The following GTPBP1 variants were observed in gnomAD, a reference collection of about 807,000 sequenced individuals.
GTPBP1 encodes the protein GTP binding protein 1.
In GTPBP1, 23 loss-of-function variants were observed where a neutral mutation model predicts 62.0. The ratio of observed to expected loss-of-function variants is 0.37; its 90% CI spans 0.27 to 0.53. The LOEUF (loss-of-function observed/expected upper bound fraction) is 0.53. Ranked by LOEUF, GTPBP1 falls within the 20% of genes least tolerant of loss-of-function variation. The pLI is 0.89. For synonymous variants in GTPBP1, 344 were observed against 364.4 expected (o/e 0.94, Z 0.64); for missense variants, 640 against 917.3 (o/e 0.70, Z 3.90).
At chr22:38,724,165 G>T (rs1297063223) in intron 5 of GTPBP1, 132 bp from the exon 6 acceptor site, 2 of 625,276 alleles carry the variant, frequency 3.2e-6, no homozygotes, top group East Asian at 5.3e-5. Context: ...CAGGCATTGT[G>T]GCATTTAACA....
At chr22:38,728,341 C>A in intron 10 of GTPBP1, 180 bp downstream of exon 10, 1 of 587,668 alleles carries the variant, frequency 1.7e-6, no homozygotes, top group Non-Finnish European at 3.1e-6. Context: ...CTGTCCTGGG[C>A]AGTGGTGGTG....
At chr22:38,740,104 G>C (rs2092841739), downstream of GTPBP1, among the ~76,000 whole-genome samples, 1 of 152,224 alleles carries the variant, frequency 6.6e-6, no homozygotes, top group African/African-American at 2.4e-5. This position sits in a 1 kb window ranked among gnomAD's most constrained non-coding sequence, Gnocchi z 4.8. Context: ...AAAACAGGAA[G>C]AACGCCTGTC....
At chr22:38,725,969 T>C in intron 6 of GTPBP1, 37 bp from the exon 7 acceptor site, 1 of 1,607,358 alleles carries the variant, frequency 6.2e-7, no homozygotes, top group Non-Finnish European at 8.5e-7. Context: ...CCTGAGTGCC[T>C]CTCTCCTTTT....
chr22:38,707,948 A>G lies in GTPBP1; in HGVS notation c.193-897A>G, dbSNP rs1467394565. On this transcript the variant is annotated intron_variant, in intron 1 of 11. Coordinates refer to ENST00000216044, the MANE Select transcript of GTPBP1 (RefSeq NM_004286.5). ...AGACCTAAGGCTCCGAGAGCTTCCAAAGGGAGAAACACTTAGTGAATAGTG... is the reference window on the plus strand; with the variant it reads ...AGACCTAAGGCTCCGAGAGCTTCCAGAGGGAGAAACACTTAGTGAATAGTG... Among the ~76,000 whole-genome samples, 4 of 152,224 alleles carry G rather than the reference A, an allele frequency of 2.6e-5. No individual in the cohort carries two copies. In the East Asian group the frequency reaches 7.7e-4, roughly 29 times the overall value.
chr22:38,713,514 G>A (rs752500921), intron 2 of GTPBP1, among the ~76,000 whole-genome samples: 5 of 152,156 alleles, frequency 3.3e-5, no homozygotes, highest in Non-Finnish European at 7.3e-5. Flanking sequence ...ATCAGGGAAG[G>A]AGGCAAGGTA....
downstream of GTPBP1, chr22:38,742,527 T>G: frequency 6.2e-7 from 1 of 1,612,476 alleles, no homozygotes; most frequent in Non-Finnish European, 8.5e-7. Context: ...CTCCAGAGAG[T>G]GTACCCGGGA....
In GTPBP1 at chr22:38,729,412, T is replaced by G. The variant is rs757954630; in HGVS notation, c.1717-50T>G. The G allele has an allele frequency of 5.7e-6, 8 of 1,409,134 alleles. No homozygotes were observed. In the East Asian group the frequency reaches 1.5e-4, roughly 27 times the overall value. 87.3% of individuals were successfully genotyped at this position (1,409,134 alleles called of 1,614,324 possible). A position where few individuals can be genotyped will look rare whatever the true frequency, so the allele number is the denominator to read the frequency against. ...TGAGGGTGGGGGGTAGCCAAGCCAG[T>G]GCCACTGCCCCGCAGCTCCAGCCTC... On this transcript the variant is annotated intron_variant, in intron 10 of 11. Coordinates refer to ENST00000216044, the MANE Select transcript of GTPBP1 (RefSeq NM_004286.5).
chr22:38,740,951 G>A (rs980560086), downstream of GTPBP1: 4 of 1,532,326 alleles, frequency 2.6e-6, no homozygotes, highest in African/African-American at 2.7e-5. This position sits in a 1 kb window ranked among gnomAD's most constrained non-coding sequence, Gnocchi z 4.8. Flanking sequence ...GTCCTGCCTG[G>A]AGAGTGGGTG....
rs2092727593 is a variant in GTPBP1, at chr22:38,726,509, C to T, written c.1401+69C>T. 7.7e-7 allele frequency: 1 copy of T among 1,304,866 alleles called. No homozygotes were observed. Among genetic ancestry groups the T allele is most frequent in the South Asian group, 1.3e-5 (1 of 79,502 alleles). 80.8% of individuals were successfully genotyped at this position (1,304,866 alleles called of 1,614,324 possible). On this transcript the variant is annotated intron_variant, in intron 8 of 11. Coordinates refer to ENST00000216044, the MANE Select transcript of GTPBP1 (RefSeq NM_004286.5). This position sits in a 1 kb window ranked among gnomAD's most constrained non-coding sequence, Gnocchi z 4.1. ...GCTAGGCTCTTGGCCAGATGCCCTG[C>T]TCACCCACTCTAGTCCTCATGGCTG...
rs775069125 is a variant in GTPBP1 at position 38,729,641 on chromosome 22, G to C, written c.1896G>C (p.Ala632=). 27 of 1,504,462 alleles carry C rather than the reference G, an allele frequency of 1.8e-5. No individual in the cohort carries two copies. The highest frequency in any genetic ancestry group is 8.9e-7 in the Non-Finnish European group (1 of 1,127,606). The allele number at this position is 1,504,462 out of a possible 1,614,324, so 93.2% of individuals were successfully genotyped here. The part of the protein sequence containing the change: ...ASSVGAGQPA[A]SSNLQPQPKP... Reference sequence around the variant, plus strand: ...CTGTAGGGGCAGGGCAACCAGCTGCGTCCAGCAATCTCCAGCCTCAGGTGA... The same window carrying C: ...CTGTAGGGGCAGGGCAACCAGCTGCCTCCAGCAATCTCCAGCCTCAGGTGA... The change falls in exon 11 of 12, where the codon GCG becomes GCC. Residue 632 remains alanine, a synonymous_variant. Transcript: ENST00000216044.
At position 38,727,479 on chromosome 22, in the gene GTPBP1, G is replaced by A. The variant is rs977430892; in HGVS notation, c.1537+131G>A. The A allele has an allele frequency of 2.4e-5, 20 of 817,092 alleles. No individual in the cohort carries two copies. The highest frequency in any genetic ancestry group is 4.0e-5 in the South Asian group (2 of 50,536). 50.6% of individuals were successfully genotyped at this position (817,092 alleles called of 1,614,324 possible). ...GGCCTCCTTCCTGTTTAGTGATGCCGTTCCTTCTGTTCTACCCATGAGCCG... is the reference window on the plus strand; with the variant it reads ...GGCCTCCTTCCTGTTTAGTGATGCCATTCCTTCTGTTCTACCCATGAGCCG... On this transcript the variant is annotated intron_variant, in intron 9 of 11. Coordinates refer to ENST00000216044, the MANE Select transcript of GTPBP1 (RefSeq NM_004286.5). This position sits in a 1 kb window ranked among gnomAD's most constrained non-coding sequence, Gnocchi z 6.5.
downstream of GTPBP1, chr22:38,740,350 GCTCCT>G (rs1216486169): frequency 6.3e-7 from 1 of 1,585,834 alleles, no homozygotes; most frequent in Non-Finnish European, 8.6e-7. This position sits in a 1 kb window ranked among gnomAD's most constrained non-coding sequence, Gnocchi z 4.8. Flanking sequence ...AGAGCCGCCA[GCTCCT>G]GCTGCAGGCC....
intron 6 of GTPBP1, chr22:38,725,563 T>G (rs2092722587): frequency 6.2e-6 from 1 of 161,300 alleles, no homozygotes; most frequent in Non-Finnish European, 1.4e-5. Flanking sequence ...CTGGTGTGGC[T>G]GGAATATAGG....
intron 4 of GTPBP1, among the ~76,000 whole-genome samples, chr22:38,720,685 C>A (rs2092695400): frequency 6.6e-6 from 1 of 152,086 alleles, no homozygotes; most frequent in Admixed American, 6.5e-5. Flanking sequence ...TGTAACCAGT[C>A]CTTACGGTGA....
downstream of GTPBP1, chr22:38,739,920 C>G: frequency 1.2e-6 from 2 of 1,612,184 alleles, no homozygotes; most frequent in Non-Finnish European, 1.7e-6. The surrounding 1 kb of genome is among the most constrained non-coding windows in gnomAD (Gnocchi z 6.7). Flanking sequence ...ACTGACTGAT[C>G]CAGGCCGGGA....
At chr22:38,714,478 C>CAAAAAAAAA (rs34257833) in intron 2 of GTPBP1, among the ~76,000 whole-genome samples, 2 of 46,348 alleles carry the variant, frequency 4.3e-5, no homozygotes, top group African/African-American at 1.5e-4. Flanking sequence ...GACTCCATCT[C>CAAAAAAAAA]AAAAAAAAAA....
chr22:38,723,293 T>C, intron 5 of GTPBP1: 1 of 881,180 alleles, frequency 1.1e-6, no homozygotes, highest in East Asian at 2.4e-5. Context: ...ACCCTTAAAA[T>C]AGGGTGCATG....
rs1033205465 is a variant in GTPBP1, at chr22:38,726,449, C to T, written c.1401+9C>T. On this transcript the variant is annotated intron_variant, in intron 8 of 11. Transcript: ENST00000216044. The surrounding 1 kb of genome is among the most constrained non-coding windows in gnomAD (Gnocchi z 4.1). ...CCTTTGCGCTGAAGAAGGTGAGTAG[C>T]GATGATACTGAACGCTCCCCTCAGA... 23 of 1,609,318 alleles carry T rather than the reference C, an allele frequency of 1.4e-5. No homozygotes were observed. The highest frequency in any genetic ancestry group is 3.3e-5 in the South Asian group (3 of 90,890).
chr22:38,734,380 A>G, downstream of GTPBP1: 1 of 423,204 alleles, frequency 2.4e-6, no homozygotes, highest in Non-Finnish European at 4.9e-6. Context: ...CTGCACTCCA[A>G]GTGGACGTGG....
Sources: gnomAD v4.1 joint callset for allele counts (sites outside exome capture counted in the v4.1 genomes callset) on GRCh38, gnomAD v4.1.1 for gene constraint, Gnocchi (gnomAD v3.1) non-coding constraint, MANE v1.5 for transcripts, NCBI Gene and HGNC (gene_info 2026-07-23, HGNC 2026-07-21) for gene names.